FOXP4: variants seen among roughly 807,000 people sequenced by gnomAD.
The protein encoded by FOXP4 is forkhead box P4.
In FOXP4, 25 loss-of-function variants were observed where a neutral mutation model predicts 82.6. The ratio of observed to expected loss-of-function variants is 0.30; its 90% confidence interval spans 0.22 to 0.42. FOXP4 has a LOEUF of 0.42. Among genes scored for constraint, FOXP4 ranks in the 10% least tolerant of loss-of-function variants. The pLI is 1.00. For synonymous variants in FOXP4, 415 were observed against 388.2 expected, an observed-to-expected ratio of 1.07 and a Z score of -0.81; for missense variants, 785 against 900.9, an observed-to-expected ratio of 0.87 and a Z score of 1.65.
At chr6:41,597,651 C>A in intron 15 of FOXP4, 130 bp from the exon 16 acceptor site, 1 of 1,207,262 alleles carries the variant, frequency 8.3e-7, no homozygotes, top group Non-Finnish European at 1.1e-6. Flanking sequence ...GTTGCCCAGA[C>A]AGATCCGCCC....
intron 2 of FOXP4, among the ~76,000 whole-genome samples, chr6:41,569,202 G>A (rs1336218765): frequency 6.6e-6 from 1 of 152,234 alleles, no homozygotes; most frequent in African/African-American, 2.4e-5. Flanking sequence ...AGGAAGTACA[G>A]TAGGCTCTGG....
At position 41,591,158 on chromosome 6, in the gene FOXP4, A is replaced by C. The variant is rs1225862820; in HGVS notation, c.1435-63A>C. The C allele has an allele frequency of 7.2e-7, 1 of 1,379,582 alleles. No individual in the cohort carries two copies. The highest frequency in any genetic ancestry group is 1.0e-6 in the Non-Finnish European group (1 of 988,110). The allele number at this position is 1,379,582 out of a possible 1,614,324, so 85.5% of individuals were successfully genotyped here. A position where few individuals can be genotyped will look rare whatever the true frequency, so the allele number is the denominator to read the frequency against. ...GAAGGGAGAGGTACTGGGGGAGGGA[A>C]CCCAGGGCTGTGACCCTTCGAGGCC... On this transcript the variant is annotated intron_variant, in intron 12 of 16. Transcript: ENST00000307972. The surrounding 1 kb of genome is among the most constrained non-coding windows in gnomAD (Gnocchi z 4.2).
chr6:41,598,931 T>A lies in FOXP4; in HGVS notation c.2038T>A (p.Ser680Thr). Residue 680 changes from serine (S) to threonine (T), a missense_variant, in exon 17 of 17, where the codon TCC (serine) becomes ACC (threonine). Physicochemically the swap from Ser to Thr is moderately conservative, Grantham distance 58. Around this residue, in one of 3 missense-constraint regions of FOXP4, gnomAD observed 184 missense variants for 187.3 expected, o/e 0.98. Coordinates refer to ENST00000307972, the MANE Select transcript of FOXP4 (RefSeq NM_001012426.2). ...GGAGGAGCTGCCGGGAGAAGAACTG[T>A]CCTAAGGGCCTGTAGTGACCGGCAG... ...LEEELPGEEL[S>T] 2 of 1,605,382 alleles carry A rather than the reference T, an allele frequency of 1.2e-6. No individual in the cohort carries two copies. Among genetic ancestry groups the A allele is most frequent in the Non-Finnish European group, 1.7e-6 (2 of 1,177,278 alleles).
chr6:41,585,547 C>A, intron 5 of FOXP4, 30 bp downstream of exon 5: 1 of 1,599,316 alleles, frequency 6.3e-7, no homozygotes, highest in South Asian at 1.1e-5. Context: ...CCCACCACCG[C>A]CCTCACCCCC....
At chr6:41,598,605 C>A (rs1767020651) in intron 16 of FOXP4, 184 bp from the exon 17 acceptor site, 1 of 808,218 alleles carries the variant, frequency 1.2e-6, no homozygotes, top group South Asian at 1.8e-5. Flanking sequence ...GCAGTCTCTG[C>A]CCCAGGACCA....
intron 4 of FOXP4, among the ~76,000 whole-genome samples, chr6:41,585,141 AGGGAAGGGCAAAGTACTGGAACATTCT>A (rs1217307890): frequency 6.6e-6 from 1 of 152,122 alleles, no homozygotes; most frequent in African/African-American, 2.4e-5. Context: ...TCTCCTGAAC[AGGGAAGGGCAAAGTACTGGAACATTCT>A]GGCACGTTGT....
chr6:41,585,030 T>C, intron 4 of FOXP4, 139 bp downstream of exon 4: 1 of 1,232,240 alleles, frequency 8.1e-7, no homozygotes, highest in Non-Finnish European at 1.1e-6. Context: ...TGCATTCCTC[T>C]AGGGTAGTGG....
intron 1 of FOXP4, among the ~76,000 whole-genome samples, chr6:41,557,252 G>A (rs116418148): frequency 4.9e-4 from 74 of 152,296 alleles, no homozygotes; most frequent in African/African-American, 1.7e-3. Flanking sequence ...CACTAAAGAG[G>A]TTAGGGCCCG....
chr6:41,549,080 AG>A (rs1763847433), intron 1 of FOXP4, among the ~76,000 whole-genome samples: 1 of 152,082 alleles, frequency 6.6e-6, no homozygotes, highest in Non-Finnish European at 1.5e-5. Context: ...CTCCACACCC[AG>A]GGCCAGGGTG....
chr6:41,561,335 C>A (rs984380671), intron 1 of FOXP4, among the ~76,000 whole-genome samples: 1 of 152,088 alleles, frequency 6.6e-6, no homozygotes, highest in African/African-American at 2.4e-5. Context: ...CATTTGCCCC[C>A]AACATGTGGT....
chr6:41,585,538 C>T, intron 5 of FOXP4, 21 bp downstream of exon 5: 1 of 1,607,674 alleles, frequency 6.2e-7, no homozygotes, highest in Non-Finnish European at 8.5e-7. Context: ...GTACCAGGGC[C>T]CACCACCGCC....
intron 14 of FOXP4, among the ~76,000 whole-genome samples, chr6:41,596,655 G>C (rs796906325): frequency 5.9e-5 from 9 of 152,208 alleles, no homozygotes; most frequent in African/African-American, 1.9e-4. Flanking sequence ...CCCAACTCCC[G>C]AACACCTTCC....
At chr6:41,571,448 G>A (rs981961041) in intron 2 of FOXP4, among the ~76,000 whole-genome samples, 4 of 152,204 alleles carry the variant, frequency 2.6e-5, no homozygotes, top group Admixed American at 2.6e-4. Context: ...ATCTCTCTGA[G>A]GCCAGAAACT....
chr6:41,594,751 C>A, intron 13 of FOXP4, 119 bp from the exon 14 acceptor site: 1 of 1,469,600 alleles, frequency 6.8e-7, no homozygotes, highest in Non-Finnish European at 9.2e-7. Flanking sequence ...CTCCCCTGCT[C>A]ATCCCTGAGC....
At chr6:41,554,635 G>A (rs1202449001) in intron 1 of FOXP4, among the ~76,000 whole-genome samples, 3 of 152,154 alleles carry the variant, frequency 2.0e-5, no homozygotes, top group Admixed American at 6.5e-5. Context: ...CAAGGCAGGT[G>A]AATCACCTGA....
chr6:41,570,724 A>AT (rs1341780935), intron 2 of FOXP4, among the ~76,000 whole-genome samples: 2 of 152,018 alleles, frequency 1.3e-5, no homozygotes, highest in Non-Finnish European at 2.9e-5. Flanking sequence ...TTCCCTGCTG[A>AT]TTAGAACTGG....
At position 41,599,190 on chromosome 6, in the gene FOXP4, C is replaced by A; in HGVS notation, c.*254C>A. 1 of 352,778 alleles carries A rather than the reference C, an allele frequency of 2.8e-6. No homozygotes were observed. The highest frequency in any genetic ancestry group is 5.1e-6 in the Non-Finnish European group (1 of 195,970). The allele number at this position is 352,778 out of a possible 1,614,324, so 21.9% of individuals were successfully genotyped here. On this transcript the variant is annotated 3_prime_UTR_variant, in exon 17 of 17. Coordinates refer to ENST00000307972, the MANE Select transcript of FOXP4 (RefSeq NM_001012426.2). Reference sequence around the variant, plus strand: ...GAGGGTTCAGACCCCTCCTCAGACCCTCCCCACATCTGAAACTGCCTCCCC... The same window carrying A: ...GAGGGTTCAGACCCCTCCTCAGACCATCCCCACATCTGAAACTGCCTCCCC...
At chr6:41,584,741 G>A in intron 3 of FOXP4, 28 bp from the exon 4 acceptor site, 3 of 1,560,524 alleles carry the variant, frequency 1.9e-6, no homozygotes, top group Non-Finnish European at 2.6e-6. Context: ...GGGTCCAGGG[G>A]ACAGGGCTAA....
chr6:41,578,110 G>C, intron 3 of FOXP4, 29 bp downstream of exon 3: 1 of 1,593,582 alleles, frequency 6.3e-7, no homozygotes, highest in South Asian at 1.1e-5. Context: ...CGCTGGCTCT[G>C]GGTTGGGCTG....
Sources: allele counts gnomAD v4.1 joint callset (sites outside exome capture counted in the v4.1 genomes callset), GRCh38; gene constraint gnomAD v4.1.1; regional missense constraint gnomAD v4.1.1; non-coding constraint Gnocchi (gnomAD v3.1); transcripts MANE v1.5; gene names NCBI Gene and HGNC (gene_info 2026-07-23, HGNC 2026-07-21).